The following SEMA4D variants were observed in gnomAD, a reference collection of about 807,000 sequenced individuals.
SEMA4D encodes semaphorin 4D, also known as semaphorin-4D.
A neutral mutation model predicts 74.8 loss-of-function variants in SEMA4D; 22 were observed. The ratio of observed to expected loss-of-function variants is 0.29; its 90% CI spans 0.21 to 0.42. SEMA4D has a LOEUF of 0.42. SEMA4D is among the 10% of genes least tolerant of loss of function. The pLI, the probability that SEMA4D is intolerant of heterozygous loss-of-function variation, is 1.00. For synonymous variants in SEMA4D, 445 were observed against 463.7 expected, an observed-to-expected ratio of 0.96 and a Z score of 0.52; for missense variants, 937 against 1,118.4, an observed-to-expected ratio of 0.84 and a Z score of 2.31.
intron 2 of SEMA4D, among the ~76,000 whole-genome samples, chr9:89,434,015 G>A (rs1587856646): frequency 6.6e-6 from 1 of 152,342 alleles, no homozygotes; most frequent in Non-Finnish European, 1.5e-5. Context: ...CACTTGGCAT[G>A]CACGGACTGC....
At chr9:89,440,352 C>G (rs1010544984) in intron 2 of SEMA4D, among the ~76,000 whole-genome samples, 1 of 152,154 alleles carries the variant, frequency 6.6e-6, no homozygotes, top group Non-Finnish European at 1.5e-5. Flanking sequence ...ATGAGTATCT[C>G]GAAACTCCAA....
chr9:89,446,898 TG>T (rs1478324763), intron 2 of SEMA4D, among the ~76,000 whole-genome samples: 1 of 152,154 alleles, frequency 6.6e-6, no homozygotes, highest in Non-Finnish European at 1.5e-5. Flanking sequence ...AAGTCTCAGC[TG>T]GGCGTGCCCC....
chr9:89,491,571 A>AAC (rs1564016494), intron 1 of SEMA4D, among the ~76,000 whole-genome samples: 95 of 150,766 alleles, frequency 6.3e-4, no homozygotes, highest in African/African-American at 2.1e-3. Flanking sequence ...TCTGTCTCAA[A>AAC]AACAACAACA....
chr9:89,434,011 G>A (rs896661452), intron 2 of SEMA4D, among the ~76,000 whole-genome samples: 1 of 152,208 alleles, frequency 6.6e-6, no homozygotes, highest in Admixed American at 6.5e-5. Context: ...ATAGCACTTG[G>A]CATGCACGGA....
intron 1 of SEMA4D, among the ~76,000 whole-genome samples, chr9:89,482,793 G>A (rs758002454): frequency 2.0e-5 from 3 of 152,146 alleles, no homozygotes; most frequent in Non-Finnish European, 2.9e-5. Context: ...TGGTCTCCTC[G>A]CTGAGAAAAG....
chr9:89,462,760 CAAAGTGA>C (rs1402850365), intron 1 of SEMA4D, among the ~76,000 whole-genome samples: 4 of 151,162 alleles, frequency 2.6e-5, no homozygotes, highest in African/African-American at 9.8e-5. Flanking sequence ...GCCAAGGCAA[CAAAGTGA>C]GAGCCTGTCT....
chr9:89,363,543 G>C (rs750562425), intron 17 of SEMA4D: 3 of 1,613,714 alleles, frequency 1.9e-6, no homozygotes, highest in Non-Finnish European at 2.5e-6. Flanking sequence ...AAACAAGCAG[G>C]GTCCCCAGGT....
chr9:89,360,851 C>G (rs905218840), exon 19 of SEMA4D: 1 of 152,200 alleles, frequency 6.6e-6, no homozygotes, highest in Non-Finnish European at 1.5e-5. Flanking sequence ...GAAATTCATC[C>G]TCATAACTCC....
downstream of SEMA4D, among the ~76,000 whole-genome samples, chr9:89,373,271 C>G (rs1835359209): frequency 6.6e-6 from 1 of 152,208 alleles, no homozygotes; most frequent in Admixed American, 6.5e-5. Flanking sequence ...TTCCCCTGTG[C>G]AGACCCACCC....
At chr9:89,396,323 C>G (rs1416787714) in intron 6 of SEMA4D, among the ~76,000 whole-genome samples, 1 of 152,194 alleles carries the variant, frequency 6.6e-6, no homozygotes, top group Non-Finnish European at 1.5e-5. Flanking sequence ...CCAGAGCTGC[C>G]AGGCTGTCTG....
intron 2 of SEMA4D, among the ~76,000 whole-genome samples, chr9:89,419,484 T>C (rs375717956): frequency 1.3e-5 from 2 of 152,274 alleles, no homozygotes; most frequent in South Asian, 4.1e-4. Context: ...CCACGAGGCC[T>C]TCCTGTCACA....
intron 1 of SEMA4D, among the ~76,000 whole-genome samples, chr9:89,482,346 C>A (rs1418183819): frequency 6.6e-6 from 1 of 152,190 alleles, no homozygotes; most frequent in Non-Finnish European, 1.5e-5. Flanking sequence ...ATCAGACAGG[C>A]ACTTGGAAGA....
chr9:89,408,342 C>A (rs1462607726), intron 2 of SEMA4D, among the ~76,000 whole-genome samples: 1 of 152,198 alleles, frequency 6.6e-6, no homozygotes, highest in African/African-American at 2.4e-5. Flanking sequence ...ACATCCCATG[C>A]CCCTCCAGGG....
intron 13 of SEMA4D, chr9:89,384,791 G>A (rs1838051077): frequency 2.0e-6 from 2 of 985,418 alleles, no homozygotes; most frequent in Non-Finnish European, 1.2e-6. Flanking sequence ...ATCACCGTGA[G>A]AGAGCCTGAT....
intron 2 of SEMA4D, among the ~76,000 whole-genome samples, chr9:89,426,830 T>C (rs1191565986): frequency 6.6e-6 from 1 of 152,122 alleles, no homozygotes; most frequent in Non-Finnish European, 1.5e-5. Context: ...TCACTTCCCA[T>C]CAACAGTAGA....
intron 2 of SEMA4D, among the ~76,000 whole-genome samples, chr9:89,407,709 C>G (rs1283856397): frequency 6.6e-6 from 1 of 152,214 alleles, no homozygotes; most frequent in Non-Finnish European, 1.5e-5. Context: ...GACAACCCTA[C>G]TCTACCTCCA....
chr9:89,398,079 G>A (rs185135550), intron 5 of SEMA4D, among the ~76,000 whole-genome samples: 238 of 152,210 alleles, frequency 1.6e-3, no homozygotes, highest in Admixed American at 3.1e-3. Context: ...AACCCCACAT[G>A]TGAGCCAAAA....
chr9:89,469,968 T>C (rs887138031), intron 1 of SEMA4D, among the ~76,000 whole-genome samples: 1 of 152,234 alleles, frequency 6.6e-6, no homozygotes, highest in Non-Finnish European at 1.5e-5. Flanking sequence ...AAATGGACTA[T>C]TCACAGACAG....
At chr9:89,414,217 AG>A in intron 2 of SEMA4D, among the ~76,000 whole-genome samples, 1 of 152,230 alleles carries the variant, frequency 6.6e-6, no homozygotes, top group Non-Finnish European at 1.5e-5. Flanking sequence ...GGAAACTGAA[AG>A]GGGATCTCTG....
Sources: gnomAD v4.1 joint callset for allele counts (sites outside exome capture counted in the v4.1 genomes callset) on GRCh38, gnomAD v4.1.1 for gene constraint, MANE v1.5 for transcripts, NCBI Gene and HGNC (gene_info 2026-07-23, HGNC 2026-07-21) for gene names.